PCNT: variants seen among roughly 807,000 people sequenced by gnomAD.
The protein encoded by PCNT is pericentrin, also known as kendrin.
PCNT carries 319 observed loss-of-function variants against 380.4 expected under a neutral mutation model. The ratio of observed to expected loss-of-function variants is 0.84; its 90% CI spans 0.77 to 0.92. The LOEUF is 0.92. Among genes scored for constraint, PCNT ranks in the 40% least tolerant of loss-of-function variants. The pLI, the probability that PCNT is intolerant of heterozygous loss-of-function variation, is 0.00. For synonymous variants in PCNT, 1,845 were observed against 1,735.2 expected (o/e 1.06, Z -1.57); for missense variants, 4,400 against 4,255.3 (o/e 1.03, Z -0.95).
chr21:46,394,015 G>A (rs957299990), intron 21 of PCNT, among the ~76,000 whole-genome samples: 6 of 152,224 alleles, frequency 3.9e-5, no homozygotes, highest in Admixed American at 6.5e-5. Flanking sequence ...GGAAATTCTC[G>A]TTGTTTCTCT....
chr21:46,436,230 G>T (rs988267460), intron 39 of PCNT, 82 bp downstream of exon 39: 1 of 1,524,674 alleles, frequency 6.6e-7, no homozygotes, highest in Non-Finnish European at 8.9e-7. Context: ...GCTGGGGCGC[G>T]TCTGGTGTGA....
chr21:46,401,478 C>T lies in PCNT; in HGVS notation c.4792-73C>T, dbSNP rs2086425387. 6 of 1,230,074 alleles carry T rather than the reference C, an allele frequency of 4.9e-6. No individual in the cohort carries two copies. In the South Asian group the frequency reaches 7.3e-5, roughly 15 times the overall value. The allele number at this position is 1,230,074 out of a possible 1,614,324, so 76.2% of individuals were successfully genotyped here. ...CAGGTGCAGCTAAAGATGGTCTGTG[C>T]TTTAACAGGCAGCAGTTGAGGTACT... is the stretch of plus-strand genomic sequence containing the variant. On this transcript the variant is annotated intron_variant, in intron 25 of 46. Coordinates refer to ENST00000359568, the MANE Select transcript of PCNT (RefSeq NM_006031.6).
intron 13 of PCNT, among the ~76,000 whole-genome samples, chr21:46,359,676 A>C (rs1601833044): frequency 7.1e-6 from 1 of 141,144 alleles, no homozygotes; most frequent in African/African-American, 2.6e-5. Flanking sequence ...TTTAATAGAG[A>C]CGGGGTTTCA....
chr21:46,436,469 G>GCCCCCCCCCCCCCCCCCCCC lies in PCNT; in HGVS notation c.8996+321_8996+322insCCCCCCCCCCCCCCCCCCCC, dbSNP rs769557050. The stretch of plus-strand genomic sequence containing the variant: ...CAGGGTCGGGTTTGGAGCCTCCTGT[G>GCCCCCCCCCCCCCCCCCCCC]GCCCCCCCCCCCCCCCCCCGCTGGC... On this transcript the variant is annotated intron_variant, in intron 39 of 46. Transcript: ENST00000359568. Among the ~76,000 whole-genome samples, 18 of 39,988 alleles carry GCCCCCCCCCCCCCCCCCCCC rather than the reference G, an allele frequency of 4.5e-4. 8 individuals are homozygous for GCCCCCCCCCCCCCCCCCCCC. The highest frequency in any genetic ancestry group is 8.1e-4 in the Non-Finnish European group (14 of 17,226). 26.2% of individuals were successfully genotyped at this position (39,988 alleles called of 152,430 possible).
chr21:46,357,136 G>T lies in PCNT; in HGVS notation c.2099G>T (p.Arg700Ile). The change falls in exon 13 of 47, where the codon AGA (arginine) becomes ATA (isoleucine). Residue 700 changes from arginine to isoleucine, a missense_variant. Physicochemically the swap from Arg to Ile is moderately conservative, Grantham distance 97. Transcript: ENST00000359568. The stretch of plus-strand genomic sequence containing the variant: ...ATTGAACTCCTAAAAATAGAAAATA[G>T]AAATTTGTATGGGAAGTTGCAGCAT... ...EEIELLKIEN[R>I]NLYGKLQHET... 6.2e-7 allele frequency: 1 copy of T among 1,614,138 alleles called. No individual in the cohort carries two copies. Among genetic ancestry groups the T allele is most frequent in the Non-Finnish European group, 8.5e-7 (1 of 1,179,956 alleles).
chr21:46,353,557 ATGT>A (rs569143571), intron 10 of PCNT, among the ~76,000 whole-genome samples: 5 of 151,664 alleles, frequency 3.3e-5, no homozygotes, highest in Admixed American at 1.3e-4. Context: ...CTGCGTGCAC[ATGT>A]TGGTGGTGGA....
intron 14 of PCNT, among the ~76,000 whole-genome samples, chr21:46,364,856 C>A (rs2084844141): frequency 6.6e-6 from 1 of 152,252 alleles, no homozygotes; most frequent in South Asian, 2.1e-4. Context: ...TCTCACCAGG[C>A]TACGACATGC....
chr21:46,353,101 C>T lies in PCNT; in HGVS notation c.1457-3C>T. ...ACGATTGCCTGACTCCGTTATGTTG[C>T]AGAGCTACATGAGCAACTCCTGGCG... On this transcript the variant is annotated splice_polypyrimidine_tract_variant and splice_region_variant and intron_variant, in intron 9 of 46. Transcript: ENST00000359568. 6.2e-7 allele frequency: 1 copy of T among 1,612,480 alleles called. No individual in the cohort carries two copies. Among genetic ancestry groups the T allele is most frequent in the Non-Finnish European group, 8.5e-7 (1 of 1,178,752 alleles).
chr21:46,392,378 C>A (rs2086063424), intron 21 of PCNT, among the ~76,000 whole-genome samples: 2 of 152,122 alleles, frequency 1.3e-5, no homozygotes, highest in African/African-American at 2.4e-5. Flanking sequence ...CACCACCACA[C>A]CTGGCTAATT....
chr21:46,416,672 A>G lies in PCNT; in HGVS notation c.6754A>G (p.Ser2252Gly), dbSNP rs886057190. The G allele has an allele frequency of 1.9e-6, 3 of 1,564,350 alleles. No homozygotes were observed. Among genetic ancestry groups the G allele is most frequent in the Non-Finnish European group, 2.6e-6 (3 of 1,156,264 alleles). The change falls in exon 30 of 47, where the codon AGC becomes GGC. Residue 2252 changes from serine (S) to glycine (G), a missense_variant. By Grantham distance (56) the Ser-to-Gly change is moderately conservative. Coordinates refer to ENST00000359568, the MANE Select transcript of PCNT (RefSeq NM_006031.6). ...CGTGACACCCCACTCAGGAGCCCTG[A>G]GCCTGTGCAGTGCCGACACATCCCT... ...LPVTPHSGAL[S>G]LCSADTSLGD...
intron 9 of PCNT, among the ~76,000 whole-genome samples, chr21:46,351,854 C>T (rs1042703740): frequency 7.2e-5 from 11 of 152,212 alleles, no homozygotes; most frequent in African/African-American, 2.2e-4. Flanking sequence ...GCGTTTGCCT[C>T]GGAAGGACGG....
chr21:46,357,259 G>A lies in PCNT; in HGVS notation c.2154+68G>A, dbSNP rs1393868359. 5.3e-6 allele frequency: 6 copies of A among 1,139,670 alleles called. No individual in the cohort carries two copies. In the East Asian group the frequency reaches 1.4e-4, roughly 27 times the overall value. 70.6% of individuals were successfully genotyped at this position (1,139,670 alleles called of 1,614,324 possible). A position where few individuals can be genotyped will look rare whatever the true frequency, so the allele number is the denominator to read the frequency against. ...TTGCTCTCTTCCACCTGGAAGGCTT[G>A]TGTCCTTGTGTATGGAGGGGCATCC... is the stretch of plus-strand genomic sequence containing the variant. On this transcript the variant is annotated intron_variant, in intron 13 of 46. Transcript: ENST00000359568.
chr21:46,395,711 A>G (rs146269466), intron 21 of PCNT, among the ~76,000 whole-genome samples: 6,825 of 151,616 alleles, frequency 0.045, 168 homozygotes, highest in Non-Finnish European at 0.061. Context: ...AATAATAGTA[A>G]TAAAATAGAG....
chr21:46,356,934 GCA>G, intron 12 of PCNT, 38 bp from the exon 13 acceptor site: 5 of 1,581,880 alleles, frequency 3.2e-6, no homozygotes, highest in Non-Finnish European at 4.3e-6. Flanking sequence ...TCGAGGGCCG[GCA>G]CCGGCCTGAC....
At chr21:46,423,293 C>T (rs963467497) in intron 32 of PCNT, among the ~76,000 whole-genome samples, 8 of 151,068 alleles carry the variant, frequency 5.3e-5, no homozygotes, top group Admixed American at 1.3e-4. Context: ...TGGGCTCAAA[C>T]GATCCTCCCA....
chr21:46,408,911 A>G (rs796929024), intron 27 of PCNT, among the ~76,000 whole-genome samples: 6 of 151,686 alleles, frequency 4.0e-5, no homozygotes, highest in African/African-American at 1.5e-4. Flanking sequence ...TTTAGTAGAG[A>G]CGGGGTTTCA....
In PCNT at chr21:46,326,934, A is replaced by G. The variant is rs560967780; in HGVS notation, c.267+345A>G. 4.6e-5 allele frequency among the ~76,000 whole-genome samples: 7 copies of G among 151,520 alleles called. No homozygotes were observed. In the East Asian group the frequency reaches 1.2e-3, roughly 26 times the overall value. ...AGGTTGAGGGAGGAGAATAGCTTCA[A>G]CTTGTGAGGCAGAGGTTGCATTGAG... On this transcript the variant is annotated intron_variant, in intron 2 of 46. Transcript: ENST00000359568.
intron 13 of PCNT, among the ~76,000 whole-genome samples, chr21:46,362,993 G>A (rs796289323): frequency 9.2e-5 from 14 of 152,282 alleles, no homozygotes; most frequent in African/African-American, 2.2e-4. Flanking sequence ...TTGTCCTGGC[G>A]TTGACCTTGT....
rs1268691558 is a variant in PCNT at position 46,363,813 on chromosome 21, T to A, written c.2488T>A (p.Ser830Thr). The A allele has an allele frequency of 7.4e-6, 12 of 1,612,872 alleles. No homozygotes were observed. Among genetic ancestry groups the A allele is most frequent in the African/African-American group, 1.3e-5 (1 of 75,004 alleles). The change falls in exon 14 of 47, where the codon TCA (serine) becomes ACA (threonine). Residue 830 changes from serine to threonine, a missense_variant. Coordinates refer to ENST00000359568, the MANE Select transcript of PCNT (RefSeq NM_006031.6). ...RLQQLEQDLT[S>T]DDALHCSQCG... ...GCAGCAGCTGGAACAGGACCTCACTTCAGACGACGCCCTGCATTGCAGCCA... is the reference window on the plus strand; with the variant it reads ...GCAGCAGCTGGAACAGGACCTCACTACAGACGACGCCCTGCATTGCAGCCA...
Sources: gnomAD v4.1 joint callset for allele counts (sites outside exome capture counted in the v4.1 genomes callset) on GRCh38, gnomAD v4.1.1 for gene constraint, MANE v1.5 for transcripts, NCBI Gene and HGNC (gene_info 2026-07-23, HGNC 2026-07-21) for gene names.